Variants in CACNA1A observed in about 807,000 individuals in gnomAD.
The protein encoded by CACNA1A is voltage-dependent P/Q-type calcium channel subunit alpha-1A.
A neutral mutation model predicts 262.4 loss-of-function variants in CACNA1A; 57 were observed. The ratio of observed to expected loss-of-function variants is 0.22; its 90% confidence interval spans 0.18 to 0.27. The LOEUF (loss-of-function observed/expected upper bound fraction) is 0.27, where lower values mean the gene tolerates loss of function less well. Ranked by LOEUF, CACNA1A falls within the 10% of genes least tolerant of loss-of-function variation. The probability of loss-of-function intolerance (pLI) is 1.00; values close to 1 mark genes in which losing one functional copy is unlikely to be tolerated. For synonymous variants in CACNA1A, 1,431 were observed against 1,419.3 expected, an observed-to-expected ratio of 1.01 and a Z score of -0.18; for missense variants, 2,526 against 3,562.8, an observed-to-expected ratio of 0.71 and a Z score of 7.41.
rs994049035 is a variant in CACNA1A, at chr19:13,220,427, C to A, written c.5731+4240G>T. Among the ~76,000 whole-genome samples, 3 of 152,118 alleles carry A rather than the reference C, an allele frequency of 2.0e-5. No individual in the cohort carries two copies. The East Asian group carries it at 5.8e-4, about 29-fold the overall frequency. On this transcript the variant is annotated intron_variant, in intron 38 of 46. Coordinates refer to ENST00000360228, the MANE Select transcript of CACNA1A (RefSeq NM_001127222.2). ...GCACATGGAGGATTACATGCACTTC[C>A]AGGAGCAAAAAGCTAAAAAGCCAGT...
intron 24 of CACNA1A, among the ~76,000 whole-genome samples, chr19:13,269,535 G>A (rs965891728): frequency 6.6e-6 from 1 of 152,184 alleles, no homozygotes; most frequent in Non-Finnish European, 1.5e-5. Flanking sequence ...TGGCTCCTGG[G>A]TATGCAGGAG....
rs1600292241 is a variant in CACNA1A, at chr19:13,308,054, G to A, written c.1913+66C>T. ...GAGGAAGGCAGCCTGCACGGTGGAG[G>A]GGACTGTGTGTTCCCTGAGCCTGAC... On this transcript the variant is annotated intron_variant, in intron 14 of 46. Coordinates refer to ENST00000360228, the MANE Select transcript of CACNA1A (RefSeq NM_001127222.2). This position sits in a 1 kb window ranked among gnomAD's most constrained non-coding sequence, Gnocchi z 4.2. The A allele has an allele frequency of 6.3e-7, 1 of 1,593,924 alleles. No homozygotes were observed. Among genetic ancestry groups the A allele is most frequent in the South Asian group, 1.1e-5 (1 of 88,180 alleles).
intron 31 of CACNA1A, among the ~76,000 whole-genome samples, chr19:13,237,745 G>A (rs1271184411): frequency 2.6e-5 from 4 of 152,182 alleles, no homozygotes; most frequent in Admixed American, 6.5e-5. Flanking sequence ...GGCTAACAGA[G>A]TCACTCTCTG....
chr19:13,207,287 C>T lies in CACNA1A; in HGVS notation c.*26G>A, dbSNP rs760996397. 1 of 1,529,210 alleles carries T rather than the reference C, an allele frequency of 6.5e-7. No homozygotes were observed. The highest frequency in any genetic ancestry group is 8.7e-7 in the Non-Finnish European group (1 of 1,144,238). The allele number at this position is 1,529,210 out of a possible 1,614,324, so 94.7% of individuals were successfully genotyped here. ...GTGTGTGCGTGGGGTGCGTGGGGGG[C>T]CGGGCGGGCGCCACCTCGCCCGGGC... is the stretch of plus-strand genomic sequence containing the variant. On this transcript the variant is annotated 3_prime_UTR_variant, in exon 47 of 47. Coordinates refer to ENST00000360228, the MANE Select transcript of CACNA1A (RefSeq NM_001127222.2). The surrounding 1 kb of genome is among the most constrained non-coding windows in gnomAD (Gnocchi z 5.7).
At chr19:13,383,702 C>T (rs1005647784) in intron 3 of CACNA1A, among the ~76,000 whole-genome samples, 75 of 152,320 alleles carry the variant, frequency 4.9e-4, no homozygotes, top group African/African-American at 1.7e-3. Flanking sequence ...CTGGCCTCTT[C>T]GAATTCTTCA....
chr19:13,338,871 G>A (rs926591308), intron 6 of CACNA1A, among the ~76,000 whole-genome samples: 2 of 150,632 alleles, frequency 1.3e-5, no homozygotes, highest in Non-Finnish European at 2.9e-5. Context: ...TTCTTAAAAA[G>A]TTGTTTTTTT....
chr19:13,443,270 G>A (rs2060755160), intron 3 of CACNA1A, among the ~76,000 whole-genome samples: 2 of 152,156 alleles, frequency 1.3e-5, no homozygotes, highest in African/African-American at 4.8e-5. Context: ...TAATGTCTTT[G>A]AGCCTCAGTT....
intron 31 of CACNA1A, among the ~76,000 whole-genome samples, chr19:13,240,809 GTGTGTGCAGTGTC>G (rs2056060109): frequency 6.6e-6 from 1 of 152,150 alleles, no homozygotes; most frequent in Admixed American, 6.5e-5. Flanking sequence ...CACAGTGACT[GTGTGTGCAGTGTC>G]TGTGTGCAGT....
intron 6 of CACNA1A, among the ~76,000 whole-genome samples, chr19:13,349,856 G>C (rs543761584): frequency 8.5e-5 from 13 of 152,258 alleles, no homozygotes; most frequent in Non-Finnish European, 1.8e-4. Flanking sequence ...GCCAAAACAG[G>C]GTGGCACAGA....
At chr19:13,433,942 G>A (rs1346779673) in intron 3 of CACNA1A, among the ~76,000 whole-genome samples, 1 of 152,170 alleles carries the variant, frequency 6.6e-6, no homozygotes, top group Non-Finnish European at 1.5e-5. Context: ...GAGTGTGGCA[G>A]TTAAGAGCTT....
At chr19:13,450,049 G>A (rs1229895910) in intron 3 of CACNA1A, among the ~76,000 whole-genome samples, 1 of 144,254 alleles carries the variant, frequency 6.9e-6, no homozygotes, top group Admixed American at 7.3e-5. Flanking sequence ...GCTGAGGCAG[G>A]AGAATCACTT....
At chr19:13,369,017 G>A (rs990565561) in intron 4 of CACNA1A, among the ~76,000 whole-genome samples, 9 of 112,200 alleles carry the variant, frequency 8.0e-5, no homozygotes, top group Non-Finnish European at 1.3e-4. Flanking sequence ...CAGCCTGGGC[G>A]ACAGAGCGAG....
At chr19:13,305,460 C>A (rs1353851349) in intron 15 of CACNA1A, among the ~76,000 whole-genome samples, 1 of 152,202 alleles carries the variant, frequency 6.6e-6, no homozygotes, top group Admixed American at 6.5e-5. Flanking sequence ...TTCCTTCTAT[C>A]CATATCCCCA....
At position 13,298,932 on chromosome 19, in the gene CACNA1A, A is replaced by T; in HGVS notation, c.2701T>A (p.Ser901Thr). 6.3e-7 allele frequency: 1 copy of T among 1,593,392 alleles called. No homozygotes were observed. Among genetic ancestry groups the T allele is most frequent in the Non-Finnish European group, 8.5e-7 (1 of 1,177,436 alleles). ...LSREGPYGRE[S>T]DHHAREGSLE... ...CTGCCCTCCCGGGCGTGGTGGTCCGACTCGCGGCCGTAGGGTCCCTCCCGG... is the reference window on the plus strand; with the variant it reads ...CTGCCCTCCCGGGCGTGGTGGTCCGTCTCGCGGCCGTAGGGTCCCTCCCGG... The change falls in exon 19 of 47, where the codon TCG becomes ACG. Residue 901 changes from serine (S) to threonine (T), a missense_variant. Physicochemically the swap from Ser to Thr is moderately conservative, Grantham distance 58. This residue lies in a region of CACNA1A where 765 missense variants were observed against 748.6 expected (regional missense o/e 1.02). Transcript: ENST00000360228.
intron 6 of CACNA1A, among the ~76,000 whole-genome samples, chr19:13,356,915 AT>A (rs2059015534): frequency 1.3e-5 from 2 of 152,180 alleles, no homozygotes; most frequent in Admixed American, 1.3e-4. Context: ...GATCTGCTGC[AT>A]GTTCCCAGAG....
intron 1 of CACNA1A, among the ~76,000 whole-genome samples, chr19:13,505,130 G>A (rs1982863805): frequency 6.6e-6 from 1 of 152,140 alleles, no homozygotes; most frequent in Non-Finnish European, 1.5e-5. Context: ...CTTACTGAAA[G>A]TGTCCAGATC....
intron 6 of CACNA1A, among the ~76,000 whole-genome samples, chr19:13,351,203 T>C (rs1001134953): frequency 1.3e-5 from 2 of 152,208 alleles, no homozygotes; most frequent in African/African-American, 4.8e-5. Context: ...ACTCTCAAAG[T>C]AGGGGAGATT....
chr19:13,499,756 C>T (rs904346259), intron 1 of CACNA1A, among the ~76,000 whole-genome samples: 1 of 152,210 alleles, frequency 6.6e-6, no homozygotes, highest in Middle Eastern at 3.4e-3. Context: ...ACCCAGAGTC[C>T]GGAGTGTTTT....
intron 24 of CACNA1A, among the ~76,000 whole-genome samples, chr19:13,270,296 A>C (rs1302472290): frequency 6.6e-6 from 1 of 151,892 alleles, no homozygotes; most frequent in Admixed American, 6.6e-5. Flanking sequence ...TAAAACAATA[A>C]GGTCAATCTA....
Sources: gnomAD v4.1 joint callset for allele counts (sites outside exome capture counted in the v4.1 genomes callset) on GRCh38, gnomAD v4.1.1 for gene constraint, gnomAD v4.1.1 regional missense constraint, Gnocchi (gnomAD v3.1) non-coding constraint, MANE v1.5 for transcripts, NCBI Gene and HGNC (gene_info 2026-07-23, HGNC 2026-07-21) for gene names.